Variants in TIAM2 observed in about 807,000 individuals in gnomAD.
TIAM2 encodes the protein TIAM Rac1 associated GEF 2, also known as rho guanine nucleotide exchange factor TIAM2.
TIAM2 carries 80 observed loss-of-function variants against 152.9 expected under a neutral mutation model. The observed-to-expected ratio is 0.52, with a 90% CI of 0.44 to 0.63. The LOEUF (loss-of-function observed/expected upper bound fraction) is 0.63. Ranked by LOEUF, TIAM2 falls within the 30% of genes least tolerant of loss-of-function variation. TIAM2 has a pLI of 0.00. For synonymous variants in TIAM2, 804 were observed against 838.0 expected (o/e 0.96, Z 0.70); for missense variants, 1,965 against 2,120.1 (o/e 0.93, Z 1.44).
In TIAM2 at chr6:155,061,096, G is replaced by T. The variant is rs147744701; in HGVS notation, c.-208-29193G>T. 9.8e-5 allele frequency among the ~76,000 whole-genome samples: 15 copies of T among 152,324 alleles called. No homozygotes were observed. The East Asian group carries it at 2.9e-3, about 29-fold the overall frequency. On this transcript the variant is annotated intron_variant, in intron 1 of 26. Coordinates refer to ENST00000682666, the MANE Select transcript of TIAM2 (RefSeq NM_012454.4). Reference sequence around the variant, plus strand: ...AGAAACCAAGTTCTGGGTGCCAGGTGTGCCCGTTGCTATTGGAGTGTTACT... The same window carrying T: ...AGAAACCAAGTTCTGGGTGCCAGGTTTGCCCGTTGCTATTGGAGTGTTACT...
At chr6:155,033,744 T>G (rs1178957582) in intron 1 of TIAM2, among the ~76,000 whole-genome samples, 3 of 150,064 alleles carry the variant, frequency 2.0e-5, no homozygotes, top group African/African-American at 7.4e-5. Context: ...TGAGACAGAG[T>G]CTTGCTCTGT....
chr6:155,209,716 C>T (rs572140018), intron 14 of TIAM2, among the ~76,000 whole-genome samples: 7 of 152,174 alleles, frequency 4.6e-5, no homozygotes, highest in African/African-American at 7.2e-5. Context: ...ATTAGGGTGT[C>T]GGAAGAGGTA....
intron 1 of TIAM2, among the ~76,000 whole-genome samples, chr6:155,022,829 G>A (rs530264199): frequency 2.6e-5 from 4 of 152,306 alleles, no homozygotes; most frequent in South Asian, 4.1e-4. Flanking sequence ...ATATAGGTTC[G>A]AGTTAGTAGG....
intron 1 of TIAM2, among the ~76,000 whole-genome samples, chr6:155,064,195 T>C (rs1041030492): frequency 1.3e-5 from 2 of 152,226 alleles, no homozygotes; most frequent in African/African-American, 2.4e-5. Flanking sequence ...CTTTTTACCC[T>C]TTGCTGATTT....
intron 15 of TIAM2, among the ~76,000 whole-genome samples, chr6:155,216,340 G>C (rs1177845135): frequency 6.6e-6 from 1 of 152,194 alleles, no homozygotes; most frequent in East Asian, 1.9e-4. Context: ...TTGAACCTGG[G>C]CTGTTGGGGA....
At chr6:155,137,095 G>T (rs1779572734) in intron 4 of TIAM2, 82 bp from the exon 5 acceptor site, 1 of 1,414,064 alleles carries the variant, frequency 7.1e-7, no homozygotes, top group Non-Finnish European at 9.6e-7. Flanking sequence ...GCAGCCACTG[G>T]TATTACACTT....
intron 1 of TIAM2, among the ~76,000 whole-genome samples, chr6:155,065,109 A>C (rs558273807): frequency 1.3e-5 from 2 of 152,118 alleles, no homozygotes; most frequent in South Asian, 4.2e-4. Flanking sequence ...ACCCGACACC[A>C]CGCCCGGCTG....
At position 155,187,699 on chromosome 6, in the gene TIAM2, C is replaced by T. The variant is rs1389727947; in HGVS notation, c.3064+4199C>T. Among the ~76,000 whole-genome samples the T allele has an allele frequency of 2.6e-5, 4 of 151,426 alleles. No homozygotes were observed. In the East Asian group the frequency reaches 7.8e-4, roughly 29 times the overall value. On this transcript the variant is annotated intron_variant, in intron 14 of 26. Coordinates refer to ENST00000682666, the MANE Select transcript of TIAM2 (RefSeq NM_012454.4). ...GTTCAAGGGATTCTCCTGCCTCAGC[C>T]TCCCGAGTAGCTGGGATTACAGGCA...
At chr6:155,065,424 C>G (rs1277511229) in intron 1 of TIAM2, among the ~76,000 whole-genome samples, 1 of 152,124 alleles carries the variant, frequency 6.6e-6, no homozygotes, top group East Asian at 1.9e-4. Flanking sequence ...AAAAGGATAA[C>G]TTCCTTTTTG....
chr6:155,250,862 A>C (rs781439828), intron 21 of TIAM2, 51 bp from the exon 22 acceptor site: 56 of 1,564,498 alleles, frequency 3.6e-5, no homozygotes, highest in Non-Finnish European at 4.8e-5. Flanking sequence ...ACAAGAGATC[A>C]TCTAGCCTGG....
chr6:155,193,170 C>T (rs551854045), intron 14 of TIAM2, among the ~76,000 whole-genome samples: 33 of 151,912 alleles, frequency 2.2e-4, no homozygotes, highest in East Asian at 1.2e-3. Context: ...TTTGGGAGGC[C>T]GAGGTGGGAG....
chr6:155,046,273 A>G (rs979707962), intron 1 of TIAM2, among the ~76,000 whole-genome samples: 3 of 150,530 alleles, frequency 2.0e-5, no homozygotes, highest in African/African-American at 7.3e-5. Context: ...TCTTTAAGGT[A>G]ATCATTTTCC....
At chr6:155,169,300 G>A (rs1448774519) in intron 9 of TIAM2, among the ~76,000 whole-genome samples, 1 of 152,142 alleles carries the variant, frequency 6.6e-6, no homozygotes. Context: ...GGCCACAAAT[G>A]CTAACTTAAG....
At position 155,257,651 on chromosome 6, in the gene TIAM2, G is replaced by A. The variant is rs1276822894; in HGVS notation, c.*530G>A. On this transcript the variant is annotated 3_prime_UTR_variant, in exon 27 of 27. Transcript: ENST00000682666. ...TCTATACAGTATATATTAAAAGAAA[G>A]CTTGTACTGTATCTTATTTGATGAT... The A allele has an allele frequency of 1.6e-6, 1 of 638,212 alleles. No homozygotes were observed. The highest frequency in any genetic ancestry group is 2.8e-5 in the East Asian group (1 of 35,670). The allele number at this position is 638,212 out of a possible 1,614,324, so 39.5% of individuals were successfully genotyped here.
intron 2 of TIAM2, among the ~76,000 whole-genome samples, chr6:155,091,295 G>A (rs989470083): frequency 6.6e-6 from 1 of 152,122 alleles, no homozygotes; most frequent in East Asian, 1.9e-4. Context: ...TCGGCTTGTT[G>A]TCTGTCTCCG....
chr6:155,166,192 A>G (rs1403172000), intron 9 of TIAM2, among the ~76,000 whole-genome samples: 1 of 152,182 alleles, frequency 6.6e-6, no homozygotes, highest in Non-Finnish European at 1.5e-5. Context: ...CCTGTTCACC[A>G]GCACCAAAGG....
chr6:155,124,056 G>A (rs1047495126), intron 2 of TIAM2, among the ~76,000 whole-genome samples: 31 of 152,170 alleles, frequency 2.0e-4, no homozygotes, highest in African/African-American at 7.5e-4. Context: ...TGCTGCGTCT[G>A]TCACCCAGGC....
At chr6:155,124,912 G>A (rs541355283) in intron 2 of TIAM2, among the ~76,000 whole-genome samples, 28 of 151,798 alleles carry the variant, frequency 1.8e-4, no homozygotes, top group African/African-American at 5.1e-4. Flanking sequence ...GACTCAGGCA[G>A]GAGATTTGTC....
At chr6:155,185,123 CTTTTTTT>C (rs11404301) in intron 14 of TIAM2, among the ~76,000 whole-genome samples, 2 of 92,402 alleles carry the variant, frequency 2.2e-5, no homozygotes, top group Admixed American at 1.4e-4. Flanking sequence ...GCAAATTTAC[CTTTTTTT>C]TTTTTTTTTT....
Sources: allele counts gnomAD v4.1 joint callset (sites outside exome capture counted in the v4.1 genomes callset), GRCh38; gene constraint gnomAD v4.1.1; transcripts MANE v1.5; gene names NCBI Gene and HGNC (gene_info 2026-07-23, HGNC 2026-07-21).